Variants in LOC128125822 observed in about 807,000 individuals in gnomAD.
At chr6:63,576,132 A>G in the LOC128125822 span, among the ~76,000 whole-genome samples, 1 of 150,328 alleles carries the variant, frequency 6.7e-6, no homozygotes, top group Non-Finnish European at 1.5e-5. Context: ...ATAACTAGAT[A>G]GAATATATAT....
chr6:63,582,453 A>G, the LOC128125822 span: 4 of 152,594 alleles, frequency 2.6e-5, no homozygotes. Flanking sequence ...ATGTGATGAA[A>G]TTTGCTTTTT....
the LOC128125822 span, chr6:63,579,073 A>T: frequency 6.6e-7 from 1 of 1,520,214 alleles, no homozygotes; most frequent in African/African-American, 1.4e-5. Context: ...ATCTATTGAT[A>T]ATGAAAATAC....
chr6:63,575,550 T>TA, the LOC128125822 span, among the ~76,000 whole-genome samples: 3 of 152,204 alleles, frequency 2.0e-5, no homozygotes, highest in African/African-American at 7.2e-5. Flanking sequence ...TTACAGTAGT[T>TA]ACCTTGCTTT....
the LOC128125822 span, chr6:63,580,920 G>A: frequency 6.6e-6 from 1 of 152,468 alleles, no homozygotes; most frequent in South Asian, 2.1e-4. Context: ...TTAACAGGGA[G>A]GGCCTGAGAA....
the LOC128125822 span, among the ~76,000 whole-genome samples, chr6:63,574,937 C>T: frequency 6.6e-6 from 1 of 152,338 alleles, no homozygotes; most frequent in African/African-American, 2.4e-5. Context: ...GAAGTAACCT[C>T]TGAGGGCTTG....
At chr6:63,576,201 A>C in the LOC128125822 span, among the ~76,000 whole-genome samples, 1 of 151,442 alleles carries the variant, frequency 6.6e-6, no homozygotes, top group Admixed American at 6.6e-5. Flanking sequence ...TTTTCTGAGG[A>C]ATCTTGGTAA....
At chr6:63,574,725 G>A in the LOC128125822 span, among the ~76,000 whole-genome samples, 9 of 152,262 alleles carry the variant, frequency 5.9e-5, no homozygotes, top group Admixed American at 2.0e-4. Flanking sequence ...ACTGTGATGA[G>A]TCATTATAAA....
chr6:63,583,267 T>C, the LOC128125822 span: 1 of 152,254 alleles, frequency 6.6e-6, no homozygotes, highest in African/African-American at 2.4e-5. Flanking sequence ...CATGAAGTAG[T>C]GTCTGCCATA....
chr6:63,572,927 G>A, the LOC128125822 span, among the ~76,000 whole-genome samples: 1 of 152,168 alleles, frequency 6.6e-6, no homozygotes, highest in Non-Finnish European at 1.5e-5. Flanking sequence ...GGGCCCCTCG[G>A]GGCTGCGGGG....
At chr6:63,576,632 G>A in the LOC128125822 span, 1 of 521,362 alleles carries the variant, frequency 1.9e-6, no homozygotes, top group Non-Finnish European at 3.4e-6. Flanking sequence ...TTTTACAAGA[G>A]TTCTGACCTG....
At chr6:63,577,293 A>G in the LOC128125822 span, among the ~76,000 whole-genome samples, 6 of 152,148 alleles carry the variant, frequency 3.9e-5, no homozygotes, top group African/African-American at 1.2e-4. Flanking sequence ...TGGATTTTTT[A>G]TATATCTGCT....
the LOC128125822 span, chr6:63,579,967 C>A: frequency 1.1e-6 from 1 of 912,488 alleles, no homozygotes; most frequent in Non-Finnish European, 1.7e-6. Flanking sequence ...GATAAATTGC[C>A]ACAAGAGAGG....
At chr6:63,575,929 A>G in the LOC128125822 span, among the ~76,000 whole-genome samples, 1 of 152,082 alleles carries the variant, frequency 6.6e-6, no homozygotes, top group Non-Finnish European at 1.5e-5. Flanking sequence ...TTTATGAGTT[A>G]AGTAAATTAT....
At chr6:63,574,845 T>G in the LOC128125822 span, among the ~76,000 whole-genome samples, 1 of 152,224 alleles carries the variant, frequency 6.6e-6, no homozygotes, top group African/African-American at 2.4e-5. Flanking sequence ...TATTTTCAGA[T>G]TACTACAATC....
At chr6:63,576,967 C>G in the LOC128125822 span, 1 of 1,612,260 alleles carries the variant, frequency 6.2e-7, no homozygotes, top group Non-Finnish European at 8.5e-7. Flanking sequence ...CCAATGCGAC[C>G]TTAAACAAAT....
chr6:63,575,160 A>G, the LOC128125822 span, among the ~76,000 whole-genome samples: 1 of 152,226 alleles, frequency 6.6e-6, no homozygotes, highest in South Asian at 2.1e-4. Flanking sequence ...TAAAATGGAA[A>G]TGGGAGCAGA....
the LOC128125822 span, chr6:63,577,060 A>G: frequency 1.7e-6 from 2 of 1,189,692 alleles, no homozygotes; most frequent in South Asian, 2.8e-5. Flanking sequence ...CAAAATAAAA[A>G]CTACTTTGGA....
the LOC128125822 span, chr6:63,572,516 C>A: frequency 2.6e-6 from 1 of 391,778 alleles, no homozygotes; most frequent in East Asian, 3.6e-5. Context: ...GGCTGCGGGC[C>A]GGCTCGGCTA....
chr6:63,577,889 GTATAT>G, the LOC128125822 span, among the ~76,000 whole-genome samples: 28 of 149,484 alleles, frequency 1.9e-4, no homozygotes, highest in Admixed American at 4.7e-4. Context: ...GTATATAATA[GTATAT>G]TATATTAGTA....
Sources: allele counts gnomAD v4.1 joint callset (sites outside exome capture counted in the v4.1 genomes callset), GRCh38; gene constraint gnomAD v4.1.1; transcripts MANE v1.5.